Variants in CCSER1 observed in about 807,000 individuals in gnomAD.
CCSER1 encodes coiled-coil serine rich protein 1.
CCSER1 carries 41 observed loss-of-function variants against 82.0 expected under a neutral mutation model. The ratio of observed to expected loss-of-function variants is 0.50; its 90% confidence interval spans 0.39 to 0.65. The LOEUF (loss-of-function observed/expected upper bound fraction) is 0.65. Among genes scored for constraint, CCSER1 ranks in the 30% least tolerant of loss-of-function variants. The pLI is 0.00. For missense variants in CCSER1, 1,119 were observed against 1,064.2 expected (o/e 1.05, Z -0.72); for synonymous variants, 414 against 383.9 (o/e 1.08, Z -0.92).
At chr4:90,956,613 T>C (rs1733457394) in intron 9 of CCSER1, among the ~76,000 whole-genome samples, 1 of 152,138 alleles carries the variant, frequency 6.6e-6, no homozygotes, top group African/African-American at 2.4e-5. Context: ...GAATTTGTAT[T>C]AATTTTCAAA....
At chr4:91,262,333 CATT>C (rs1271459561) in intron 10 of CCSER1, among the ~76,000 whole-genome samples, 6 of 151,980 alleles carry the variant, frequency 3.9e-5, no homozygotes, top group African/African-American at 7.2e-5. Flanking sequence ...TAGTAACTAT[CATT>C]ATTATTGAAA....
At chr4:91,300,174 T>G (rs1744556148) in intron 10 of CCSER1, among the ~76,000 whole-genome samples, 1 of 151,976 alleles carries the variant, frequency 6.6e-6, no homozygotes, top group East Asian at 1.9e-4. Flanking sequence ...TGTTATAAAA[T>G]TATTACAAGC....
chr4:90,867,107 T>G (rs1258009473), intron 8 of CCSER1, among the ~76,000 whole-genome samples: 1 of 151,936 alleles, frequency 6.6e-6, no homozygotes, highest in Non-Finnish European at 1.5e-5. Context: ...TCCCCAGCTC[T>G]CCCCTCCTTT....
chr4:90,623,510 G>T (rs1722738982), intron 5 of CCSER1, among the ~76,000 whole-genome samples: 1 of 152,186 alleles, frequency 6.6e-6, no homozygotes, highest in Non-Finnish European at 1.5e-5. Flanking sequence ...TCTAGACCAT[G>T]AAACAACCTT....
chr4:91,336,528 A>C (rs535907572), intron 10 of CCSER1, among the ~76,000 whole-genome samples: 1 of 152,220 alleles, frequency 6.6e-6, no homozygotes, highest in East Asian at 1.9e-4. Context: ...TGTTCCTTCT[A>C]TACAGTGAAG....
At chr4:91,318,394 A>G (rs1745972946) in intron 10 of CCSER1, among the ~76,000 whole-genome samples, 1 of 152,066 alleles carries the variant, frequency 6.6e-6, no homozygotes, top group South Asian at 2.1e-4. Context: ...AACTTTTCCT[A>G]TTACCTACCT....
intron 9 of CCSER1, among the ~76,000 whole-genome samples, chr4:90,948,587 A>G (rs545024100): frequency 6.6e-6 from 1 of 152,176 alleles, no homozygotes; most frequent in East Asian, 1.9e-4. Flanking sequence ...TACACAGATT[A>G]TGAGAATATA....
intron 1 of CCSER1, among the ~76,000 whole-genome samples, chr4:90,139,539 A>G (rs1283374320): frequency 2.6e-5 from 4 of 152,112 alleles, no homozygotes; most frequent in Non-Finnish European, 4.4e-5. Context: ...TATTGCCAAC[A>G]GTAATGTTCC....
intron 7 of CCSER1, chr4:90,782,123 A>G: frequency 3.5e-6 from 1 of 289,092 alleles, no homozygotes; most frequent in Non-Finnish European, 5.2e-6. Context: ...TCTTGATTAT[A>G]TTGCATATTT....
intron 1 of CCSER1, among the ~76,000 whole-genome samples, chr4:90,223,670 G>A (rs1560825558): frequency 6.6e-6 from 1 of 152,158 alleles, no homozygotes; most frequent in African/African-American, 2.4e-5. Flanking sequence ...TGTAACTGAA[G>A]GGAATGTGTT....
intron 4 of CCSER1, among the ~76,000 whole-genome samples, chr4:90,409,069 A>C (rs1754232555): frequency 6.6e-6 from 1 of 152,188 alleles, no homozygotes; most frequent in Admixed American, 6.5e-5. Flanking sequence ...GTGAGAAGAG[A>C]AGTTTAGAGA....
intron 3 of CCSER1, among the ~76,000 whole-genome samples, chr4:90,371,313 C>G (rs985952903): frequency 6.6e-6 from 1 of 151,732 alleles, no homozygotes; most frequent in Non-Finnish European, 1.5e-5. Flanking sequence ...ATATATTCTT[C>G]AGGAAGTAAT....
chr4:90,547,283 GA>G (rs1296564814), intron 5 of CCSER1, among the ~76,000 whole-genome samples: 6 of 151,544 alleles, frequency 4.0e-5, no homozygotes, highest in South Asian at 2.1e-4. Flanking sequence ...ATTTTATAAA[GA>G]TTTTTTTAAT....
intron 10 of CCSER1, among the ~76,000 whole-genome samples, chr4:91,182,349 C>T (rs1734122420): frequency 6.6e-6 from 1 of 152,198 alleles, no homozygotes. Context: ...TAACGGATCT[C>T]TCCACCAAAT....
chr4:91,162,588 A>C (rs1451253244), intron 10 of CCSER1, among the ~76,000 whole-genome samples: 1 of 152,126 alleles, frequency 6.6e-6, no homozygotes, highest in Non-Finnish European at 1.5e-5. Flanking sequence ...TAGGCTCTTA[A>C]TTATTGCCTC....
intron 3 of CCSER1, among the ~76,000 whole-genome samples, chr4:90,380,263 A>G (rs533721631): frequency 6.6e-6 from 1 of 152,306 alleles, no homozygotes; most frequent in South Asian, 2.1e-4. Flanking sequence ...GGACAGATGT[A>G]TGATGTGGCT....
intron 7 of CCSER1, among the ~76,000 whole-genome samples, chr4:90,731,833 T>A (rs1262785576): frequency 6.6e-6 from 1 of 152,056 alleles, no homozygotes; most frequent in African/African-American, 2.4e-5. Flanking sequence ...AAATAATAAT[T>A]TATTATTGAT....
At chr4:91,181,142 G>T (rs4552432) in intron 10 of CCSER1, among the ~76,000 whole-genome samples, 108,222 of 152,152 alleles carry the variant, frequency 0.71, 38,954 homozygotes, top group Non-Finnish European at 0.78. Context: ...TTTTGTTTAT[G>T]GTCAGTTTTG....
intron 3 of CCSER1, among the ~76,000 whole-genome samples, chr4:90,351,869 T>C (rs570052418): frequency 3.6e-4 from 55 of 152,372 alleles, no homozygotes; most frequent in African/African-American, 9.9e-4. Flanking sequence ...ACAATGAGTG[T>C]GTTGATGGCA....
Sources: allele counts gnomAD v4.1 joint callset (sites outside exome capture counted in the v4.1 genomes callset), GRCh38; gene constraint gnomAD v4.1.1; transcripts MANE v1.5; gene names NCBI Gene and HGNC (gene_info 2026-07-23, HGNC 2026-07-21).